Variants in DNMT3A observed in about 807,000 individuals in gnomAD.
DNMT3A encodes the protein DNA methyltransferase 3 alpha, also known as DNA (cytosine-5)-methyltransferase 3A.
In DNMT3A, 267 loss-of-function variants were observed where a neutral mutation model predicts 117.6. The ratio of observed to expected loss-of-function variants is 2.27; its 90% CI spans 2.05 to 2.51. DNMT3A has a LOEUF of 2.51. Ranked by LOEUF, DNMT3A falls within the 30% of genes most tolerant of loss-of-function variation. The pLI is 0.00. For synonymous variants in DNMT3A, 432 were observed against 474.8 expected, an observed-to-expected ratio of 0.91 and a Z score of 1.17; for missense variants, 1,029 against 1,260.2, an observed-to-expected ratio of 0.82 and a Z score of 2.78.
intron 1 of DNMT3A, among the ~76,000 whole-genome samples, chr2:25,335,265 C>A (rs556981947): frequency 6.1e-4 from 93 of 152,312 alleles, no homozygotes; most frequent in Non-Finnish European, 1.1e-3. Flanking sequence ...ATTTATTTAT[C>A]ACTTCGGGAA....
chr2:25,262,606 C>G (rs1327919486), intron 6 of DNMT3A, among the ~76,000 whole-genome samples: 1 of 152,166 alleles, frequency 6.6e-6, no homozygotes, highest in Non-Finnish European at 1.5e-5. Context: ...AACCCTCAGT[C>G]AAGGCCAAAT....
At position 25,247,466 on chromosome 2, in the gene DNMT3A, C is replaced by G. The variant is rs1674949944; in HGVS notation, c.1014+125G>C. On this transcript the variant is annotated intron_variant, in intron 8 of 22. Coordinates refer to ENST00000321117, the MANE Select transcript of DNMT3A (RefSeq NM_022552.5). This position sits in a 1 kb window ranked among gnomAD's most constrained non-coding sequence, Gnocchi z 5.6. ...TACAGCTTCTTCCACCCACCACAGG[C>G]AGAGTAGGGGTGAGCAGAACCCACT... is the stretch of plus-strand genomic sequence containing the variant. 3 of 1,404,022 alleles carry G rather than the reference C, an allele frequency of 2.1e-6. No individual in the cohort carries two copies. Among genetic ancestry groups the G allele is most frequent in the Admixed American group, 4.4e-5 (2 of 45,246 alleles). The allele number at this position is 1,404,022 out of a possible 1,614,324, so 87.0% of individuals were successfully genotyped here.
chr2:25,342,446 GCTGGGTCCCCGCATCCAGCA>G (rs2035498686), upstream of DNMT3A: 1 of 152,194 alleles, frequency 6.6e-6, no homozygotes, highest in African/African-American at 2.4e-5. This position sits in a 1 kb window ranked among gnomAD's most constrained non-coding sequence, Gnocchi z 5.9. Context: ...CTGCTTCTGC[GCTGGGTCCCCGCATCCAGCA>G]CTGGCCGCAG....
chr2:25,265,294 G>A (rs542194577), intron 6 of DNMT3A, among the ~76,000 whole-genome samples: 34 of 152,270 alleles, frequency 2.2e-4, no homozygotes, highest in South Asian at 8.3e-4. Flanking sequence ...CTGGAAAGCC[G>A]GGCCAGCTCT....
chr2:25,265,120 T>C (rs191321147), intron 6 of DNMT3A, among the ~76,000 whole-genome samples: 115 of 152,282 alleles, frequency 7.6e-4, no homozygotes, highest in African/African-American at 2.6e-3. Context: ...ATCATCCACA[T>C]GGTCATGAAA....
intron 1 of DNMT3A, among the ~76,000 whole-genome samples, chr2:25,330,534 A>G (rs2034977805): frequency 6.6e-6 from 1 of 152,230 alleles, no homozygotes; most frequent in Admixed American, 6.5e-5. Context: ...AAGGGCCATC[A>G]TGTACGGCCC....
chr2:25,245,499 C>T (rs1194731804), intron 12 of DNMT3A, among the ~76,000 whole-genome samples, 167 bp from the exon 13 acceptor site: 3 of 152,218 alleles, frequency 2.0e-5, no homozygotes, highest in Admixed American at 6.5e-5. Flanking sequence ...ACCCCAGTCT[C>T]GAACGCCATC....
In DNMT3A at chr2:25,275,627, G is replaced by A. The variant is rs530764219; in HGVS notation, c.449-84C>T. 5.5e-6 allele frequency: 8 copies of A among 1,462,722 alleles called. No homozygotes were observed. In the South Asian group the frequency reaches 1.1e-4, roughly 20 times the overall value. 90.6% of individuals were successfully genotyped at this position (1,462,722 alleles called of 1,614,324 possible). A position where few individuals can be genotyped will look rare whatever the true frequency, so the allele number is the denominator to read the frequency against. ...CTCACAGGCCCCACCTTGTGCCTGG[G>A]GTCCCTGCCACAGGGGATGGGGGTC... On this transcript the variant is annotated intron_variant, in intron 4 of 22. Transcript: ENST00000321117.
chr2:25,237,414 C>T lies in DNMT3A; in HGVS notation c.2409-409G>A, dbSNP rs191944427. ...ATCTTGATTTGTGGTGATTGTTACACGGGTGTGTCCACTGGATGAAATTAA... is the reference window on the plus strand; with the variant it reads ...ATCTTGATTTGTGGTGATTGTTACATGGGTGTGTCCACTGGATGAAATTAA... On this transcript the variant is annotated intron_variant, in intron 20 of 22. Coordinates refer to ENST00000321117, the MANE Select transcript of DNMT3A (RefSeq NM_022552.5). This position sits in a 1 kb window ranked among gnomAD's most constrained non-coding sequence, Gnocchi z 5.4. Among the ~76,000 whole-genome samples the T allele has an allele frequency of 5.9e-5, 9 of 152,306 alleles. No individual in the cohort carries two copies. The highest frequency in any genetic ancestry group is 2.0e-4 in the Admixed American group (3 of 15,300).
At chr2:25,341,246 G>A (rs1307226130) in intron 1 of DNMT3A, among the ~76,000 whole-genome samples, 1 of 144,504 alleles carries the variant, frequency 6.9e-6, no homozygotes, top group African/African-American at 2.5e-5. Flanking sequence ...GTCGTGCCAG[G>A]CTGCCATTTT....
At chr2:25,279,399 G>A (rs758363784) in intron 4 of DNMT3A, among the ~76,000 whole-genome samples, 16 of 152,284 alleles carry the variant, frequency 1.1e-4, no homozygotes, top group East Asian at 3.9e-4. Flanking sequence ...CATCCTCTCC[G>A]GGGCCTTAGT....
In DNMT3A at chr2:25,234,104, G is replaced by T; in HGVS notation, c.*175C>A. The T allele has an allele frequency of 2.0e-6, 2 of 1,005,890 alleles. No homozygotes were observed. The highest frequency in any genetic ancestry group is 2.7e-6 in the Non-Finnish European group (2 of 735,664). The allele number at this position is 1,005,890 out of a possible 1,614,324, so 62.3% of individuals were successfully genotyped here. A position where few individuals can be genotyped will look rare whatever the true frequency, so the allele number is the denominator to read the frequency against. On this transcript the variant is annotated 3_prime_UTR_variant, in exon 23 of 23. Coordinates refer to ENST00000321117, the MANE Select transcript of DNMT3A (RefSeq NM_022552.5). This position sits in a 1 kb window ranked among gnomAD's most constrained non-coding sequence, Gnocchi z 4.5. ...CAGGAGATGATGTCCAACCCTTTTCGCAAGGCAAAGCCCTCCGGTATTTCC... is the reference window on the plus strand; with the variant it reads ...CAGGAGATGATGTCCAACCCTTTTCTCAAGGCAAAGCCCTCCGGTATTTCC...
intron 4 of DNMT3A, among the ~76,000 whole-genome samples, chr2:25,275,930 G>C (rs904238349): frequency 6.6e-6 from 1 of 152,098 alleles, no homozygotes; most frequent in African/African-American, 2.4e-5. Flanking sequence ...GAAGGCAGAG[G>C]GGGTGCGGAA....
Position 25,247,732 on chromosome 2 carries a change from G to GC in DNMT3A, c.872dup (p.Ile292HisfsTer32). 6.2e-7 allele frequency: 1 copy of GC among 1,612,742 alleles called. No individual in the cohort carries two copies. The highest frequency in any genetic ancestry group is 8.5e-7 in the Non-Finnish European group (1 of 1,179,998). ...GTTTCCCCCACACCAGCTCCCCAAT[G>GC]CCAAAGCCCCGGCCGTCCTGGAGCC... On this transcript the variant is annotated frameshift_variant, in exon 8 of 23. Transcript: ENST00000321117. LOFTEE classifies it high-confidence loss of function. The surrounding 1 kb of genome is among the most constrained non-coding windows in gnomAD (Gnocchi z 5.6).
At position 25,246,008 on chromosome 2, in the gene DNMT3A, C is replaced by T; in HGVS notation, c.1474+12G>A. On this transcript the variant is annotated intron_variant, in intron 12 of 22. Coordinates refer to ENST00000321117, the MANE Select transcript of DNMT3A (RefSeq NM_022552.5). Reference sequence around the variant, plus strand: ...CACTAGGAGTGCCAGAGTTCCCAGGCAACAAACTTACCCTCAATGTTCCGG... The same window carrying T: ...CACTAGGAGTGCCAGAGTTCCCAGGTAACAAACTTACCCTCAATGTTCCGG... The T allele has an allele frequency of 2.5e-6, 4 of 1,613,888 alleles. No individual in the cohort carries two copies. The highest frequency in any genetic ancestry group is 3.4e-6 in the Non-Finnish European group (4 of 1,179,812).
chr2:25,285,752 C>T (rs1392743352), intron 3 of DNMT3A, among the ~76,000 whole-genome samples: 3 of 152,214 alleles, frequency 2.0e-5, no homozygotes, highest in Non-Finnish European at 2.9e-5. Context: ...ACCTCTCCTC[C>T]CTCCCTGCTT....
At chr2:25,266,979 A>G (rs1314070502) in intron 6 of DNMT3A, among the ~76,000 whole-genome samples, 2 of 152,202 alleles carry the variant, frequency 1.3e-5, no homozygotes, top group Non-Finnish European at 2.9e-5. Context: ...CACCGCTGCA[A>G]TGCTAAACAG....
At chr2:25,312,029 A>C (rs1262133829) in intron 2 of DNMT3A, among the ~76,000 whole-genome samples, 2 of 151,510 alleles carry the variant, frequency 1.3e-5, no homozygotes, top group African/African-American at 4.9e-5. Flanking sequence ...AGCTGTCCCC[A>C]CCCTCCCCAC....
intron 6 of DNMT3A, among the ~76,000 whole-genome samples, chr2:25,265,375 G>A (rs531073815): frequency 1.3e-5 from 2 of 152,326 alleles, no homozygotes; most frequent in East Asian, 3.9e-4. Flanking sequence ...AAAACTGGGA[G>A]TGTAGGTTAG....
Sources: gnomAD v4.1 joint callset for allele counts (sites outside exome capture counted in the v4.1 genomes callset) on GRCh38, gnomAD v4.1.1 for gene constraint, Gnocchi (gnomAD v3.1) non-coding constraint, MANE v1.5 for transcripts, NCBI Gene and HGNC (gene_info 2026-07-23, HGNC 2026-07-21) for gene names.